Variants in ZFAT observed in about 807,000 individuals in gnomAD.
ZFAT encodes zinc finger protein ZFAT.
ZFAT carries 64 observed loss-of-function variants against 117.7 expected under a neutral mutation model. The ratio of observed to expected loss-of-function variants is 0.54; its 90% CI spans 0.44 to 0.67. ZFAT has a LOEUF of 0.67. ZFAT is among the 30% of genes least tolerant of loss of function. The pLI is 0.00. For missense variants in ZFAT, 1,433 were observed against 1,584.5 expected, an observed-to-expected ratio of 0.90 and a Z score of 1.62; for synonymous variants, 679 against 615.0, an observed-to-expected ratio of 1.10 and a Z score of -1.54.
At chr8:134,631,620 T>G (rs1829895828) in intron 3 of ZFAT, among the ~76,000 whole-genome samples, 1 of 152,102 alleles carries the variant, frequency 6.6e-6, no homozygotes, top group African/African-American at 2.4e-5. Context: ...AATCACACAG[T>G]TGGAGAACAG....
chr8:134,497,773 C>T (rs1818587806), intron 15 of ZFAT, among the ~76,000 whole-genome samples: 1 of 110,654 alleles, frequency 9.0e-6, no homozygotes, highest in African/African-American at 3.5e-5. Context: ...ACACACAGAG[C>T]CTGATTTGGT....
At chr8:134,696,581 T>C (rs1213408302) in intron 1 of ZFAT, 4 of 986,224 alleles carry the variant, frequency 4.1e-6, no homozygotes, top group African/African-American at 3.5e-5. Flanking sequence ...ACCATCCTAG[T>C]TATCCCTGGC....
chr8:134,712,479 G>A (rs1814039291), intron 1 of ZFAT, among the ~76,000 whole-genome samples: 1 of 149,202 alleles, frequency 6.7e-6, no homozygotes. Context: ...CAAGAAGGAA[G>A]CCCCGCCAAG....
chr8:134,713,099 T>G, upstream of ZFAT: 1 of 412,070 alleles, frequency 2.4e-6, no homozygotes, highest in Non-Finnish European at 4.2e-6. Context: ...CGGGTGACCC[T>G]CCCCCGGCGC....
At chr8:134,580,445 A>G (rs1298572871) in intron 10 of ZFAT, among the ~76,000 whole-genome samples, 4 of 152,246 alleles carry the variant, frequency 2.6e-5, no homozygotes, top group African/African-American at 4.8e-5. Context: ...CAGGTGACCA[A>G]TGGATTCAAA....
chr8:134,642,737 G>A (rs980020804), intron 2 of ZFAT, among the ~76,000 whole-genome samples: 2 of 152,166 alleles, frequency 1.3e-5, no homozygotes, highest in African/African-American at 2.4e-5. Flanking sequence ...CCCAGCACTC[G>A]CACAGGGCAG....
intron 12 of ZFAT, among the ~76,000 whole-genome samples, chr8:134,532,248 A>C (rs569031357): frequency 6.6e-6 from 1 of 152,338 alleles, no homozygotes; most frequent in South Asian, 2.1e-4. Flanking sequence ...TTCAGGATGA[A>C]TAAGTAACAA....
chr8:134,653,540 C>CAA (rs1389330703), intron 2 of ZFAT, among the ~76,000 whole-genome samples: 1 of 143,432 alleles, frequency 7.0e-6, no homozygotes, highest in Non-Finnish European at 1.5e-5. Context: ...GCTAGGATTA[C>CAA]AGGCATAAGC....
At chr8:134,763,217 C>T in the ZFAT span, among the ~76,000 whole-genome samples, 2 of 152,122 alleles carry the variant, frequency 1.3e-5, no homozygotes, top group Non-Finnish European at 2.9e-5. Context: ...TTTCAAAATT[C>T]CTAATGGTTT....
At chr8:134,689,946 A>T (rs115698291) in intron 1 of ZFAT, among the ~76,000 whole-genome samples, 47 of 152,376 alleles carry the variant, frequency 3.1e-4, no homozygotes, top group African/African-American at 1.0e-3. Flanking sequence ...AATAATCAAG[A>T]AAAAATAATT....
chr8:134,503,420 AAC>A (rs777851692), intron 15 of ZFAT, among the ~76,000 whole-genome samples: 8 of 152,244 alleles, frequency 5.3e-5, no homozygotes, highest in African/African-American at 7.2e-5. Flanking sequence ...TGAAGCAAAT[AAC>A]AGTTTTTCAC....
intron 1 of ZFAT, chr8:134,673,003 T>C (rs1204364017): frequency 6.6e-6 from 1 of 152,230 alleles, no homozygotes; most frequent in Non-Finnish European, 1.5e-5. Flanking sequence ...GTCTTCTAAA[T>C]TACGTTTGAC....
chr8:134,822,110 T>C, the ZFAT span, among the ~76,000 whole-genome samples: 3 of 152,130 alleles, frequency 2.0e-5, no homozygotes, highest in African/African-American at 7.2e-5. Context: ...AACTCACCAT[T>C]TTCAGGGGAA....
At chr8:134,631,002 C>T (rs1284727793) in intron 3 of ZFAT, among the ~76,000 whole-genome samples, 2 of 152,194 alleles carry the variant, frequency 1.3e-5, no homozygotes, top group African/African-American at 4.8e-5. Context: ...CACATGGATG[C>T]CAGCCACAAG....
intron 1 of ZFAT, among the ~76,000 whole-genome samples, chr8:134,667,073 G>C (rs1489964039): frequency 6.6e-6 from 1 of 152,190 alleles, no homozygotes; most frequent in African/African-American, 2.4e-5. Flanking sequence ...TCATAAGTGG[G>C]AGTTGAACAA....
In ZFAT at chr8:134,582,180, T is replaced by G. The variant is rs371888947; in HGVS notation, c.2887+1652A>C. Among the ~76,000 whole-genome samples, 7 of 152,366 alleles carry G rather than the reference T, an allele frequency of 4.6e-5. No homozygotes were observed. The East Asian group carries it at 7.7e-4, about 17-fold the overall frequency. ...AGAGTGTGCTGCTGTGGACCCGTGA[T>G]ACCACCAACTACTCACACCGACCCC... On this transcript the variant is annotated intron_variant, in intron 10 of 15. Transcript: ENST00000377838.
chr8:134,615,051 G>A (rs1310695069), intron 3 of ZFAT, among the ~76,000 whole-genome samples: 4 of 152,154 alleles, frequency 2.6e-5, no homozygotes, highest in Non-Finnish European at 5.9e-5. Context: ...AGAACACCAC[G>A]CACCTTCAAC....
chr8:134,512,729 T>C (rs1586618226), intron 13 of ZFAT, 128 bp from the exon 14 acceptor site: 1 of 1,224,698 alleles, frequency 8.2e-7, no homozygotes, highest in East Asian at 2.4e-5. Flanking sequence ...CTCATTTACC[T>C]GGCACCCCTG....
At chr8:134,825,347 T>C in the ZFAT span, among the ~76,000 whole-genome samples, 1 of 152,266 alleles carries the variant, frequency 6.6e-6, no homozygotes, top group Non-Finnish European at 1.5e-5. Context: ...TCTTTCTCTT[T>C]ACCTTTACCC....
Sources: gnomAD v4.1 joint callset for allele counts (sites outside exome capture counted in the v4.1 genomes callset) on GRCh38, gnomAD v4.1.1 for gene constraint, MANE v1.5 for transcripts, NCBI Gene and HGNC (gene_info 2026-07-23, HGNC 2026-07-21) for gene names.